FAR2: variants seen among roughly 807,000 people sequenced by gnomAD.
FAR2 encodes the protein fatty acyl-CoA reductase 2.
In FAR2, 19 loss-of-function variants were observed where a neutral mutation model predicts 56.0. The observed-to-expected ratio is 0.34, with a 90% confidence interval of 0.24 to 0.50. The LOEUF (loss-of-function observed/expected upper bound fraction) is 0.50. Among genes scored for constraint, FAR2 ranks in the 20% least tolerant of loss-of-function variants. The pLI is 0.98. For synonymous variants in FAR2, 219 were observed against 218.8 expected (o/e 1.00, Z -0.01); for missense variants, 508 against 642.2 (o/e 0.79, Z 2.26).
intron 1 of FAR2, among the ~76,000 whole-genome samples, chr12:29,187,351 T>C (rs1950054097): frequency 6.6e-6 from 1 of 152,120 alleles, no homozygotes; most frequent in Non-Finnish European, 1.5e-5. Context: ...TATATAATTA[T>C]TTTTCATAAA....
rs1432851237 is a variant in FAR2 at position 29,280,753 on chromosome 12, T to TA, written c.189+10121dup. On this transcript the variant is annotated intron_variant, in intron 2 of 11. Coordinates refer to ENST00000536681, the MANE Select transcript of FAR2 (RefSeq NM_001271783.2). ...CATCCAAGGTCTCTCTGGATGACAA[T>TA]AAAAAACTGTCAGTGGGGTAAAAGA... is the stretch of plus-strand genomic sequence containing the variant. 4.6e-5 allele frequency: 7 copies of TA among 152,264 alleles called. No individual in the cohort carries two copies. In the East Asian group the frequency reaches 1.4e-3, roughly 29 times the overall value. The allele number at this position is 152,264 out of a possible 1,614,324, so 9.4% of individuals were successfully genotyped here. A position where few individuals can be genotyped will look rare whatever the true frequency, so the allele number is the denominator to read the frequency against.
At chr12:29,276,021 C>G (rs1160240130) in intron 2 of FAR2, among the ~76,000 whole-genome samples, 1 of 152,156 alleles carries the variant, frequency 6.6e-6, no homozygotes, top group Non-Finnish European at 1.5e-5. Flanking sequence ...TCAGATGGTA[C>G]TTAACAGCCT....
At chr12:29,192,127 A>C (rs768945181) in intron 1 of FAR2, among the ~76,000 whole-genome samples, 1 of 152,252 alleles carries the variant, frequency 6.6e-6, no homozygotes, top group Non-Finnish European at 1.5e-5. Context: ...GCCATGTGTG[A>C]GAAATAACCA....
chr12:29,170,976 C>T (rs1949880184), intron 1 of FAR2, among the ~76,000 whole-genome samples: 1 of 152,242 alleles, frequency 6.6e-6, no homozygotes, highest in Admixed American at 6.5e-5. Context: ...TAGGAACTCC[C>T]TTTCTTTCCA....
At chr12:29,330,588 C>A (rs928360773) in intron 10 of FAR2, among the ~76,000 whole-genome samples, 4 of 152,126 alleles carry the variant, frequency 2.6e-5, no homozygotes, top group African/African-American at 9.7e-5. Flanking sequence ...GAGAAAGAAT[C>A]GAGTAGCCTT....
At chr12:29,242,614 AG>A (rs1382772461) in intron 1 of FAR2, among the ~76,000 whole-genome samples, 1 of 152,206 alleles carries the variant, frequency 6.6e-6, no homozygotes, top group African/African-American at 2.4e-5. Flanking sequence ...TATCATCCTC[AG>A]TATCGCCTTA....
intron 7 of FAR2, 46 bp downstream of exon 7, chr12:29,311,192 G>A (rs761837523): frequency 7.5e-7 from 1 of 1,332,524 alleles, no homozygotes; most frequent in Non-Finnish European, 1.1e-6. Flanking sequence ...GAGGGGCAGA[G>A]TGAATATATT....
chr12:29,330,450 G>C (rs537884849), intron 10 of FAR2, among the ~76,000 whole-genome samples: 1 of 152,268 alleles, frequency 6.6e-6, no homozygotes, highest in African/African-American at 2.4e-5. Context: ...AATCAGCAAA[G>C]GGCTCATTAT....
At chr12:29,287,606 A>C (rs921220830) in intron 2 of FAR2, among the ~76,000 whole-genome samples, 3 of 135,682 alleles carry the variant, frequency 2.2e-5, no homozygotes, top group African/African-American at 8.6e-5. Context: ...AAGCAACCTT[A>C]CTCATTTATT....
rs79564487 is a variant in FAR2 at position 29,276,457 on chromosome 12, T to G, written c.189+5819T>G. Among the ~76,000 whole-genome samples the G allele has an allele frequency of 7.2e-3, 1,097 of 152,300 alleles. 10 individuals carry two copies. Among genetic ancestry groups the G allele is most frequent in the African/African-American group, 0.025 (1,039 of 41,554 alleles). On this transcript the variant is annotated intron_variant, in intron 2 of 11. Coordinates refer to ENST00000536681, the MANE Select transcript of FAR2 (RefSeq NM_001271783.2). ...AGAACAGATTCTATCACCTGATTAT[T>G]AATGCACAAGCCATTAGCTATGCAA... is the stretch of plus-strand genomic sequence containing the variant.
chr12:29,228,842 C>T (rs1020225287), intron 1 of FAR2, among the ~76,000 whole-genome samples: 10 of 152,162 alleles, frequency 6.6e-5, no homozygotes, highest in Admixed American at 3.9e-4. Context: ...CTGGCCTTGC[C>T]CTCCCAAAGT....
intron 4 of FAR2, among the ~76,000 whole-genome samples, chr12:29,301,267 T>C (rs1365800413): frequency 6.6e-6 from 1 of 152,218 alleles, no homozygotes. Flanking sequence ...GCGACTCATT[T>C]TCCTGGCTCT....
At chr12:29,186,756 T>TTTAC (rs1252295728) in intron 1 of FAR2, among the ~76,000 whole-genome samples, 1 of 4,950 alleles carries the variant, frequency 2.0e-4, no homozygotes, top group Non-Finnish European at 6.1e-4. Flanking sequence ...TCTTTATTTA[T>TTTAC]TATTTATTTA....
chr12:29,227,155 C>G lies in FAR2; in HGVS notation c.-38-43257C>G, dbSNP rs962137247. Among the ~76,000 whole-genome samples the G allele has an allele frequency of 3.9e-5, 6 of 152,144 alleles. No individual in the cohort carries two copies. In the South Asian group the frequency reaches 1.2e-3, roughly 32 times the overall value. On this transcript the variant is annotated intron_variant, in intron 1 of 11. Transcript: ENST00000536681. Reference sequence around the variant, plus strand: ...GCTCTGTTTTCCGCAGGGCACCTTACGTGCCTATAATTGTTATATTTATGA... The same window carrying G: ...GCTCTGTTTTCCGCAGGGCACCTTAGGTGCCTATAATTGTTATATTTATGA...
chr12:29,159,215 C>T (rs1949757982), intron 1 of FAR2, among the ~76,000 whole-genome samples: 1 of 152,092 alleles, frequency 6.6e-6, no homozygotes, highest in Admixed American at 6.5e-5. Context: ...ACTTGACTTC[C>T]CATAGCACCA....
intron 1 of FAR2, among the ~76,000 whole-genome samples, chr12:29,222,999 A>G (rs1947712963): frequency 1.3e-5 from 2 of 152,206 alleles, no homozygotes; most frequent in African/African-American, 4.8e-5. Flanking sequence ...TCAGAGGGTA[A>G]TGAAAATATT....
chr12:29,184,772 T>A (rs1017316007), intron 1 of FAR2, among the ~76,000 whole-genome samples: 2 of 152,146 alleles, frequency 1.3e-5, no homozygotes, highest in African/African-American at 4.8e-5. Flanking sequence ...AGGGAGTTTT[T>A]AAAATCTTTA....
At chr12:29,220,374 G>A (rs980763282) in intron 1 of FAR2, among the ~76,000 whole-genome samples, 3 of 152,112 alleles carry the variant, frequency 2.0e-5, no homozygotes, top group Non-Finnish European at 2.9e-5. Flanking sequence ...TAATGTCTTT[G>A]AGCATATAGG....
At position 29,301,034 on chromosome 12, in the gene FAR2, C is replaced by A. The variant is rs190703344; in HGVS notation, c.545+3834C>A. ...AAGTCTCTGCTCATTCAGCTCCCCC[C>A]ATTTTCTATCCATCCTGTATGCTGA... On this transcript the variant is annotated intron_variant, in intron 4 of 11. Transcript: ENST00000536681. Among the ~76,000 whole-genome samples, 1,392 of 152,284 alleles carry A rather than the reference C, an allele frequency of 9.1e-3. 20 individuals are homozygous for A. The highest frequency in any genetic ancestry group is 0.034 in the Middle Eastern group (10 of 294).
Sources: allele counts gnomAD v4.1 joint callset (sites outside exome capture counted in the v4.1 genomes callset), GRCh38; gene constraint gnomAD v4.1.1; transcripts MANE v1.5; gene names NCBI Gene and HGNC (gene_info 2026-07-23, HGNC 2026-07-21).